The following PCDHA1 variants were observed in gnomAD, a reference collection of about 807,000 sequenced individuals.
PCDHA1 encodes the protein protocadherin alpha 1, also known as protocadherin alpha-1.
PCDHA1 carries 42 observed loss-of-function variants against 61.3 expected under a neutral mutation model. The observed-to-expected ratio is 0.69, with a 90% confidence interval of 0.54 to 0.89. PCDHA1 has a LOEUF of 0.89. Ranked by LOEUF, PCDHA1 falls within the 40% of genes least tolerant of loss-of-function variation. The pLI, the probability that PCDHA1 is intolerant of heterozygous loss-of-function variation, is 0.00. For missense variants in PCDHA1, 1,256 were observed against 1,235.3 expected (o/e 1.02, Z -0.25); for synonymous variants, 610 against 553.8 (o/e 1.10, Z -1.43).
chr5:140,848,754 A>T, intron 1 of PCDHA1: 1 of 1,593,142 alleles, frequency 6.3e-7, no homozygotes, highest in Non-Finnish European at 8.6e-7. Context: ...TTTGTTTGTG[A>T]ATTCTCGGAT....
chr5:140,983,340 A>AG (rs2097043854), intron 3 of PCDHA1, among the ~76,000 whole-genome samples: 1 of 152,240 alleles, frequency 6.6e-6, no homozygotes, highest in African/African-American at 2.4e-5. Flanking sequence ...TCACTAAAGC[A>AG]GGGTCATGTA....
At chr5:140,835,979 G>T (rs1774093579) in intron 1 of PCDHA1, 2 of 1,613,412 alleles carry the variant, frequency 1.2e-6, no homozygotes, top group East Asian at 4.5e-5. Context: ...AGCTGTTGCA[G>T]TTCCAGGTGA....
intron 1 of PCDHA1, chr5:140,821,528 A>C: frequency 4.6e-6 from 2 of 434,586 alleles, no homozygotes; most frequent in Non-Finnish European, 8.0e-6. Flanking sequence ...AAAACAAAAT[A>C]AAACACTTAC....
intron 1 of PCDHA1, chr5:140,828,626 G>C (rs1292534909): frequency 2.5e-6 from 4 of 1,613,974 alleles, no homozygotes; most frequent in East Asian, 4.5e-5. Flanking sequence ...CGAATACTTC[G>C]GGCTAGATGT....
At chr5:140,814,223 T>TTTG (rs1554126424) in intron 1 of PCDHA1, 1 of 152,626 alleles carries the variant, frequency 6.6e-6, no homozygotes, top group Non-Finnish European at 1.5e-5. Flanking sequence ...AGTGTTTTTT[T>TTTG]TTGTTGTTGT....
intron 1 of PCDHA1, among the ~76,000 whole-genome samples, chr5:140,925,071 C>T (rs1554202476): frequency 6.8e-6 from 1 of 148,058 alleles, no homozygotes; most frequent in Non-Finnish European, 1.5e-5. Context: ...CAAAGCAACA[C>T]GCTCATCTGG....
At chr5:140,801,772 T>G in intron 1 of PCDHA1, 1 of 1,614,060 alleles carries the variant, frequency 6.2e-7, no homozygotes, top group East Asian at 2.2e-5. Flanking sequence ...ATTAAATCCC[T>G]TGGACTCGTG....
At position 140,788,630 on chromosome 5, in the gene PCDHA1, T is replaced by C; in HGVS notation, c.2340T>C (p.Leu780=). The change falls in exon 1 of 4, where the codon CTT becomes CTC. Residue 780 remains leucine (L), a synonymous_variant. Coordinates refer to ENST00000504120, the MANE Select transcript of PCDHA1 (RefSeq NM_018900.4). ...TCAGCCCAGGCCTATCTCCAAGTCT[T>C]AACACGTCAGAAAGAAATGAACAAC... The part of the protein sequence containing the change: ...MAFSPGLSPS[L]NTSERNEQPE... The C allele has an allele frequency of 6.2e-7, 1 of 1,609,388 alleles. No homozygotes were observed. The highest frequency in any genetic ancestry group is 1.1e-5 in the South Asian group (1 of 90,700).
At position 140,795,271 on chromosome 5, in the gene PCDHA1, A is replaced by G. The variant is rs1461774717; in HGVS notation, c.2394+6587A>G. The stretch of plus-strand genomic sequence containing the variant: ...GCTGTGCGGGCGGAGCGCGGAATGT[A>G]GCATCCACGTGGAGGTGATCGTGGA... On this transcript the variant is annotated intron_variant, in intron 1 of 3. Coordinates refer to ENST00000504120, the MANE Select transcript of PCDHA1 (RefSeq NM_018900.4). 3 of 1,614,254 alleles carry G rather than the reference A, an allele frequency of 1.9e-6. No homozygotes were observed. Among genetic ancestry groups the G allele is most frequent in the Admixed American group, 1.7e-5 (1 of 60,030 alleles).
chr5:140,835,973 G>A lies in PCDHA1; in HGVS notation c.2394+47289G>A, dbSNP rs2150249299. On this transcript the variant is annotated intron_variant, in intron 1 of 3. Coordinates refer to ENST00000504120, the MANE Select transcript of PCDHA1 (RefSeq NM_018900.4). ...CGTTGGACCACGAGGAGCTGGAGCT[G>A]TTGCAGTTCCAGGTGAGCGCGCGCG... 16 of 1,613,272 alleles carry A rather than the reference G, an allele frequency of 9.9e-6. No homozygotes were observed. The African/African-American group carries it at 2.0e-4, about 20-fold the overall frequency.
chr5:140,864,013 A>G (rs574478230), intron 1 of PCDHA1: 3 of 153,164 alleles, frequency 2.0e-5, no homozygotes, highest in African/African-American at 4.8e-5. Flanking sequence ...AAAAAAAAGT[A>G]CATTGGAAGT....
intron 1 of PCDHA1, among the ~76,000 whole-genome samples, chr5:140,950,286 C>G (rs2094469059): frequency 6.6e-6 from 1 of 151,924 alleles, no homozygotes; most frequent in Non-Finnish European, 1.5e-5. Flanking sequence ...TTGCTTCAAC[C>G]TGAAAAACTT....
chr5:140,927,322 A>T (rs782465180), intron 1 of PCDHA1: 1 of 1,613,780 alleles, frequency 6.2e-7, no homozygotes, highest in Non-Finnish European at 8.5e-7. Flanking sequence ...AGCCCGCTTT[A>T]CTCTCCCGAA....
At chr5:140,795,921 G>C (rs1554119626) in intron 1 of PCDHA1, 2 of 1,613,800 alleles carry the variant, frequency 1.2e-6, no homozygotes, top group Middle Eastern at 1.6e-4. Context: ...ACGAGATTCA[G>C]GTCACTGCAA....
intron 1 of PCDHA1, among the ~76,000 whole-genome samples, chr5:140,969,915 GC>G (rs1181399848): frequency 2.0e-5 from 3 of 152,192 alleles, no homozygotes; most frequent in African/African-American, 7.2e-5. Flanking sequence ...AAGTGATAAA[GC>G]TGTAGTATTT....
At chr5:140,835,552 C>T (rs2150238034) in intron 1 of PCDHA1, 8 of 1,613,942 alleles carry the variant, frequency 5.0e-6, no homozygotes, top group East Asian at 2.2e-5. Flanking sequence ...TGCTCCCTGA[C>T]GCCCCGCGTT....
chr5:140,829,840 G>T, intron 1 of PCDHA1: 1 of 1,613,938 alleles, frequency 6.2e-7, no homozygotes, highest in Admixed American at 1.7e-5. Flanking sequence ...TGGTGCCGCG[G>T]TCACTGGGTG....
chr5:140,926,180 C>A (rs1341994925), intron 1 of PCDHA1, among the ~76,000 whole-genome samples: 1 of 151,710 alleles, frequency 6.6e-6, no homozygotes, highest in Admixed American at 6.6e-5. Flanking sequence ...CGCGGAAAGC[C>A]CCCCGCAGCA....
intron 1 of PCDHA1, among the ~76,000 whole-genome samples, chr5:140,963,886 T>C (rs1211703076): frequency 6.6e-6 from 1 of 152,236 alleles, no homozygotes; most frequent in African/African-American, 2.4e-5. Flanking sequence ...TTGTTTTCCT[T>C]AATTAAAATG....
Sources: allele counts gnomAD v4.1 joint callset (sites outside exome capture counted in the v4.1 genomes callset), GRCh38; gene constraint gnomAD v4.1.1; transcripts MANE v1.5; gene names NCBI Gene and HGNC (gene_info 2026-07-23, HGNC 2026-07-21).